The following RFC2 variants were observed in gnomAD, a reference collection of about 807,000 sequenced individuals.
The protein encoded by RFC2 is A1 40 kDa subunit.
In RFC2, 34 loss-of-function variants were observed where a neutral mutation model predicts 44.8. That is an observed-to-expected ratio of 0.76 (90% CI 0.58 to 1.01). The LOEUF (loss-of-function observed/expected upper bound fraction) is 1.01. Ranked by LOEUF, RFC2 falls within the 50% of genes least tolerant of loss-of-function variation. The pLI is 0.00. For synonymous variants in RFC2, 177 were observed against 168.9 expected (o/e 1.05, Z -0.37); for missense variants, 400 against 453.6 (o/e 0.88, Z 1.07).
At chr7:74,233,907 AACAT>A (rs1563984636) in intron 10 of RFC2, 1 of 456,486 alleles carries the variant, frequency 2.2e-6, no homozygotes, top group Non-Finnish European at 4.4e-6. Context: ...TATCGAGTAA[AACAT>A]ACACTTATCA....
At chr7:74,244,088 TA>T (rs1336561057) in intron 5 of RFC2, among the ~76,000 whole-genome samples, 4 of 51,440 alleles carry the variant, frequency 7.8e-5, no homozygotes, top group Admixed American at 7.1e-4. Flanking sequence ...TCAACTCTAC[TA>T]AAAATACAAA....
In RFC2 at chr7:74,252,415, A is replaced by AG; in HGVS notation, c.183+13_183+14insC. ...GAGCGAGACTCTGTCTCAAAAAAAA[A>AG]AAAAGCCACTCACCTCTAGCCTGCT... is the stretch of plus-strand genomic sequence containing the variant. On this transcript the variant is annotated intron_variant, in intron 2 of 10. Coordinates refer to ENST00000055077, the MANE Select transcript of RFC2 (RefSeq NM_181471.3). 6.5e-7 allele frequency: 1 copy of AG among 1,536,030 alleles called. No individual in the cohort carries two copies. Among genetic ancestry groups the AG allele is most frequent in the African/African-American group, 1.4e-5 (1 of 72,558 alleles).
intron 7 of RFC2, 143 bp from the exon 8 acceptor site, chr7:74,239,131 G>C (rs1006096792): frequency 5.2e-5 from 34 of 654,030 alleles, no homozygotes; most frequent in Non-Finnish European, 8.1e-5. Flanking sequence ...CCAAGTGCTG[G>C]GATTACAGGC....
chr7:74,233,997 A>C, intron 10 of RFC2: 1 of 440,952 alleles, frequency 2.3e-6, no homozygotes, highest in Non-Finnish European at 4.6e-6. Flanking sequence ...ACACTAATCC[A>C]TATATGCAAA....
At chr7:74,251,961 T>C (rs1207526176) in intron 2 of RFC2, among the ~76,000 whole-genome samples, 1 of 143,928 alleles carries the variant, frequency 6.9e-6, no homozygotes, top group Non-Finnish European at 1.5e-5. Flanking sequence ...TAGCCAGGCA[T>C]GGTGGCGGGC....
chr7:74,232,472 G>A (rs1554717358), intron 10 of RFC2, among the ~76,000 whole-genome samples: 5 of 151,138 alleles, frequency 3.3e-5, no homozygotes, highest in South Asian at 2.1e-4. Flanking sequence ...TGGGTGGGGC[G>A]AGGGGGGGCG....
At chr7:74,239,468 A>G (rs1425942041) in intron 7 of RFC2, among the ~76,000 whole-genome samples, 2 of 151,980 alleles carry the variant, frequency 1.3e-5, no homozygotes, top group African/African-American at 4.8e-5. Context: ...AGTAGCTGAG[A>G]CTACAGGCGC....
rs181442039 is a variant in RFC2, at chr7:74,249,548, A to T, written c.225+191T>A. Among the ~76,000 whole-genome samples, 295 of 152,040 alleles carry T rather than the reference A, an allele frequency of 1.9e-3. 2 individuals carry two copies. Among genetic ancestry groups the T allele is most frequent in the Non-Finnish European group, 3.4e-3 (233 of 67,970 alleles). On this transcript the variant is annotated intron_variant, in intron 3 of 10. Coordinates refer to ENST00000055077, the MANE Select transcript of RFC2 (RefSeq NM_181471.3). Reference sequence around the variant, plus strand: ...AGAGTGAGACTCCGTTTCAGAAAAAAAAATAAATAAATAAATAAAAAAAAA... The same window carrying T: ...AGAGTGAGACTCCGTTTCAGAAAAATAAATAAATAAATAAATAAAAAAAAA...
chr7:74,241,227 T>A (rs1411897500), intron 6 of RFC2, among the ~76,000 whole-genome samples: 1 of 152,086 alleles, frequency 6.6e-6, no homozygotes, highest in Non-Finnish European at 1.5e-5. Context: ...CACTGTGCCC[T>A]GCCAAATCAA....
intron 10 of RFC2, among the ~76,000 whole-genome samples, chr7:74,234,206 C>T (rs998078775): frequency 1.3e-5 from 2 of 152,286 alleles, no homozygotes; most frequent in South Asian, 4.1e-4. Flanking sequence ...AGAAGCCAAA[C>T]TCACAAGGCT....
chr7:74,233,687 ACCTCCTGGGTTCAAGCGAT>A (rs1802854651), intron 10 of RFC2: 1 of 383,364 alleles, frequency 2.6e-6, no homozygotes, highest in South Asian at 1.8e-5. Context: ...TGCAACCTCC[ACCTCCTGGGTTCAAGCGAT>A]CCTCCTCCCT....
At chr7:74,242,683 G>A (rs782124164) in intron 6 of RFC2, among the ~76,000 whole-genome samples, 4 of 150,256 alleles carry the variant, frequency 2.7e-5, no homozygotes, top group Admixed American at 6.7e-5. Context: ...TTGGGAGGCC[G>A]AGGCAGGCGA....
chr7:74,247,983 T>C (rs1395843863), intron 4 of RFC2, among the ~76,000 whole-genome samples: 1 of 152,040 alleles, frequency 6.6e-6, no homozygotes, highest in African/African-American at 2.4e-5. Flanking sequence ...TATACAGAGA[T>C]GGGGTTTCAT....
rs558653785 is a variant in RFC2, at chr7:74,253,277, A to G, written c.114-779T>C. 3.9e-4 allele frequency among the ~76,000 whole-genome samples: 59 copies of G among 151,468 alleles called. 1 individual carries two copies. The South Asian group carries it at 0.011, about 29-fold the overall frequency. ...CTCTTGTTGCCCAGGCTGGAGTGCA[A>G]TGGTGCGATCTTGGGTCACTACCAA... On this transcript the variant is annotated intron_variant, in intron 1 of 10. Transcript: ENST00000055077.
intron 10 of RFC2, 47 bp from the exon 11 acceptor site, chr7:74,232,263 C>CT (rs781881237): frequency 1.0e-6 from 1 of 1,004,620 alleles, no homozygotes; most frequent in South Asian, 1.3e-5. Flanking sequence ...TGGGGGAGTT[C>CT]TTTTTTAAAA....
chr7:74,252,592 A>C (rs1787032965), intron 1 of RFC2, 94 bp from the exon 2 acceptor site: 1 of 773,752 alleles, frequency 1.3e-6, no homozygotes, highest in African/African-American at 1.7e-5. Context: ...TTGTTAAAAA[A>C]TTACATACAT....
chr7:74,249,207 G>A lies in RFC2; in HGVS notation c.226-89C>T, dbSNP rs781878088. The A allele has an allele frequency of 1.8e-5, 28 of 1,591,628 alleles. No individual in the cohort carries two copies. In the South Asian group the frequency reaches 2.6e-4, roughly 15 times the overall value. On this transcript the variant is annotated intron_variant, in intron 3 of 10. Transcript: ENST00000055077. The stretch of plus-strand genomic sequence containing the variant: ...TATGTTCACTGCTGTTTGCATCTCC[G>A]TCACCTCTGACCCCTGCATTCCACC...
At chr7:74,245,574 G>C (rs1399636364) in intron 5 of RFC2, among the ~76,000 whole-genome samples, 1 of 150,724 alleles carries the variant, frequency 6.6e-6, no homozygotes, top group Non-Finnish European at 1.5e-5. Context: ...TTAGCTGGGC[G>C]TGGTGGAGGG....
chr7:74,238,926 G>A lies in RFC2; in HGVS notation c.756C>T (p.Phe252=), dbSNP rs1320955696. 4 of 1,613,166 alleles carry A rather than the reference G, an allele frequency of 2.5e-6. No homozygotes were observed. Among genetic ancestry groups the A allele is most frequent in the East Asian group, 2.2e-5 (1 of 44,880 alleles). Residue 252 remains phenylalanine (F), a synonymous_variant, in exon 8 of 11, where the codon TTC becomes TTT. Transcript: ENST00000055077. The surrounding 1 kb of genome is among the most constrained non-coding windows in gnomAD (Gnocchi z 4.0). ...CCACCCACACTAGCGCTTGTACCTTGAACACGTTCTCACTGTTAATGAAGC... is the reference window on the plus strand; with the variant it reads ...CCACCCACACTAGCGCTTGTACCTTAAACACGTTCTCACTGTTAATGAAGC... ...GFGFINSENV[F]KVCDEPHPLL... is the part of the protein sequence containing the mutation.
Sources: allele counts gnomAD v4.1 joint callset (sites outside exome capture counted in the v4.1 genomes callset), GRCh38; gene constraint gnomAD v4.1.1; non-coding constraint Gnocchi (gnomAD v3.1); transcripts MANE v1.5; gene names NCBI Gene and HGNC (gene_info 2026-07-23, HGNC 2026-07-21).